Variants in C1R observed in about 807,000 individuals in gnomAD.
C1R encodes the protein complement C1r subcomponent.
C1R carries 15 observed loss-of-function variants against 27.6 expected under a neutral mutation model. That is an observed-to-expected ratio of 0.54 (90% confidence interval 0.36 to 0.84). C1R has a LOEUF of 0.84. Among genes scored for constraint, C1R ranks in the 40% least tolerant of loss-of-function variants. The pLI, the probability that C1R is intolerant of heterozygous loss-of-function variation, is 0.01. For missense variants in C1R, 544 were observed against 577.9 expected, an observed-to-expected ratio of 0.94 and a Z score of 0.60; for synonymous variants, 253 against 228.8, an observed-to-expected ratio of 1.11 and a Z score of -0.95.
chr12:7,088,760 T>C (rs1046085320), intron 6 of C1R, 29 bp from the exon 7 acceptor site: 1 of 776,694 alleles, frequency 1.3e-6, no homozygotes, highest in Non-Finnish European at 2.4e-6. Context: ...GGCATATTTA[T>C]TTCAGAGCCA....
At chr12:7,083,366 ATGG>A (rs1565629167) in intron 9 of C1R, among the ~76,000 whole-genome samples, 1 of 3,766 alleles carries the variant, frequency 2.7e-4, no homozygotes, top group Non-Finnish European at 5.5e-4. Flanking sequence ...GTTGGTAATG[ATGG>A]TGGTGACAGT....
In C1R at chr12:7,091,175, C is replaced by A; in HGVS notation, c.231+277G>T. The A allele has an allele frequency of 2.3e-6, 1 of 444,182 alleles. No individual in the cohort carries two copies. The highest frequency in any genetic ancestry group is 4.7e-5 in the East Asian group (1 of 21,236). The allele number at this position is 444,182 out of a possible 1,614,324, so 27.5% of individuals were successfully genotyped here. A position where few individuals can be genotyped will look rare whatever the true frequency, so the allele number is the denominator to read the frequency against. ...ACAGTGGTTTCCCAAAGACTCTCAG[C>A]TAGACAGCAGATGGGGAAGGTTTTC... On this transcript the variant is annotated intron_variant, in intron 2 of 10. Coordinates refer to ENST00000647956, the MANE Select transcript of C1R (RefSeq NM_001733.7). The surrounding 1 kb of genome is among the most constrained non-coding windows in gnomAD (Gnocchi z 5.1).
chr12:7,091,866 C>T lies in C1R; in HGVS notation c.3-186G>A. The T allele has an allele frequency of 1.4e-6, 1 of 696,316 alleles. No individual in the cohort carries two copies. 43.1% of individuals were successfully genotyped at this position (696,316 alleles called of 1,614,324 possible). A position where few individuals can be genotyped will look rare whatever the true frequency, so the allele number is the denominator to read the frequency against. On this transcript the variant is annotated intron_variant, in intron 1 of 10. Coordinates refer to ENST00000647956, the MANE Select transcript of C1R (RefSeq NM_001733.7). The surrounding 1 kb of genome is among the most constrained non-coding windows in gnomAD (Gnocchi z 5.1). ...GGGAGGATGGCCTGTGCAGCTGCTG[C>T]ATCGGGTCACTCTCCAGGGCAGTGT... is the stretch of plus-strand genomic sequence containing the variant.
Position 7,080,665 on chromosome 12 carries a change from T to C in C1R, c.1985A>G (p.Asp662Gly). The change falls in exon 11 of 11, where the codon GAC becomes GGC. Residue 662 changes from aspartate (D) to glycine (G), a missense_variant. By Grantham distance (94) the Asp-to-Gly change is moderately conservative. Around this residue, in one of 2 missense-constraint regions of C1R, gnomAD observed 253 missense variants for 368.9 expected, o/e 0.69. Transcript: ENST00000647956. This position sits in a 1 kb window ranked among gnomAD's most constrained non-coding sequence, Gnocchi z 4.9. ...GDSGGVFAVR[D>G]PNTDRWVATG... ...GGCCACCCAGCGATCAGTGTTCGGGTCCCTTACTGCAAAAACGCCCCCACT... is the reference window on the plus strand; with the variant it reads ...GGCCACCCAGCGATCAGTGTTCGGGCCCCTTACTGCAAAAACGCCCCCACT... The C allele has an allele frequency of 6.2e-7, 1 of 1,613,764 alleles. No individual in the cohort carries two copies.
chr12:7,081,918 T>C (rs770014677), intron 10 of C1R, 114 bp downstream of exon 10: 2 of 843,364 alleles, frequency 2.4e-6, no homozygotes, highest in Non-Finnish European at 3.7e-6. Context: ...TCTCCCTTTC[T>C]CCTGGGATGT....
rs1187297822 is a variant in C1R, at chr12:7,082,118, G to T, written c.1274-12C>A. On this transcript the variant is annotated splice_polypyrimidine_tract_variant and intron_variant, in intron 9 of 10. Transcript: ENST00000647956. ...GCAGGTGTACACCCCTGAGGGCAGA[G>T]GAGGCAAGAATCAAGTTGGGGGGTG... The T allele has an allele frequency of 1.4e-6, 2 of 1,452,300 alleles. No individual in the cohort carries two copies. The highest frequency in any genetic ancestry group is 1.4e-5 in the African/African-American group (1 of 71,558). The allele number at this position is 1,452,300 out of a possible 1,614,324, so 90.0% of individuals were successfully genotyped here.
intron 2 of C1R, 116 bp from the exon 3 acceptor site, chr12:7,090,364 T>C: frequency 3.2e-6 from 2 of 619,610 alleles, no homozygotes; most frequent in Non-Finnish European, 2.9e-6. Flanking sequence ...ACAATGGCTC[T>C]GGCTGGTCAC....
rs1360592369 is a variant in C1R, at chr12:7,091,703, C to T, written c.3-23G>A. ...CACCTGCCAAAACAAAAGAGAGTATCTGGAGCTGGAGGGGTTCAGCACTCT... is the reference window on the plus strand; with the variant it reads ...CACCTGCCAAAACAAAAGAGAGTATTTGGAGCTGGAGGGGTTCAGCACTCT... On this transcript the variant is annotated intron_variant, in intron 1 of 10. Coordinates refer to ENST00000647956, the MANE Select transcript of C1R (RefSeq NM_001733.7). The surrounding 1 kb of genome is among the most constrained non-coding windows in gnomAD (Gnocchi z 5.1). The T allele has an allele frequency of 1.4e-6, 1 of 720,858 alleles. No homozygotes were observed. The allele number at this position is 720,858 out of a possible 1,614,324, so 44.7% of individuals were successfully genotyped here.
intron 2 of C1R, 92 bp from the exon 3 acceptor site, chr12:7,090,340 G>A (rs748691835): frequency 1.1e-5 from 7 of 649,678 alleles, no homozygotes; most frequent in Admixed American, 2.3e-5. Context: ...CTCGCCCAGA[G>A]TGCATCATGC....
At chr12:7,081,927 G>A (rs1938071321) in intron 10 of C1R, 105 bp downstream of exon 10, 2 of 915,696 alleles carry the variant, frequency 2.2e-6, no homozygotes, top group African/African-American at 3.3e-5. Flanking sequence ...CTCCTGGGAT[G>A]TTCCCCTCTT....
intron 2 of C1R, 144 bp from the exon 3 acceptor site, chr12:7,090,392 T>A (rs771412877): frequency 4.8e-5 from 29 of 605,330 alleles, no homozygotes; most frequent in Non-Finnish European, 7.6e-5. Context: ...TGGGCTCAGC[T>A]GCTGCAAACT....
rs942403854 is a variant in C1R at position 7,085,163 on chromosome 12, G to C, written c.1273+698C>G. ...GATGATGGTGTTGGTGGTGATGGTG[G>C]TGTTGGTGTCAGTAATGGTGGTGGT... On this transcript the variant is annotated intron_variant, in intron 9 of 10. Transcript: ENST00000647956. Among the ~76,000 whole-genome samples the C allele has an allele frequency of 1.9e-3, 285 of 150,848 alleles. 6 individuals carry two copies. Among genetic ancestry groups the C allele is most frequent in the African/African-American group, 6.5e-3 (263 of 40,644 alleles).
Position 7,080,838 on chromosome 12 carries a change from A to G in C1R, c.1812T>C (p.Ala604=). 1 of 1,613,940 alleles carries G rather than the reference A, an allele frequency of 6.2e-7. No homozygotes were observed. Among genetic ancestry groups the G allele is most frequent in the Middle Eastern group, 1.6e-4 (1 of 6,062 alleles). The part of the protein sequence containing the change: ...SGFGVMEEKI[A]HDLRFVRLPV... ...GCAGACGGACAAACCTGAGGTCATG[A>G]GCAATCTTCTCCTCCATGACCCCGA... Residue 604 remains alanine, a synonymous_variant, in exon 11 of 11, where the codon GCT becomes GCC. Coordinates refer to ENST00000647956, the MANE Select transcript of C1R (RefSeq NM_001733.7). This position sits in a 1 kb window ranked among gnomAD's most constrained non-coding sequence, Gnocchi z 4.9.
At position 7,088,712 on chromosome 12, in the gene C1R, G is replaced by A. The variant is rs778435093; in HGVS notation, c.936C>T (p.Pro312=). 2.3e-5 allele frequency: 18 copies of A among 777,308 alleles called. No homozygotes were observed. The Admixed American group carries it at 2.7e-4, about 12-fold the overall frequency. 48.2% of individuals were successfully genotyped at this position (777,308 alleles called of 1,614,324 possible). A position where few individuals can be genotyped will look rare whatever the true frequency, so the allele number is the denominator to read the frequency against. Residue 312 remains proline (P), a synonymous_variant, in exon 7 of 11, where the codon CCC becomes CCT. Transcript: ENST00000647956. ...TGATGGTGAACTCGTCTAGGGTCTT[G>A]GGCTGGGGGCACTTGATGACTGTTG... is the stretch of plus-strand genomic sequence containing the variant. The part of the protein sequence containing the change: ...YTTEIIKCPQ[P]KTLDEFTIIQ...
At chr12:7,082,869 C>T (rs1938088945) in intron 9 of C1R, among the ~76,000 whole-genome samples, 1 of 150,024 alleles carries the variant, frequency 6.7e-6, no homozygotes, top group Non-Finnish European at 1.5e-5. Flanking sequence ...TGTTATTATC[C>T]TCATTTTGTG....
chr12:7,084,853 G>A lies in C1R; in HGVS notation c.1273+1008C>T, dbSNP rs917981083. Among the ~76,000 whole-genome samples, 1,376 of 150,190 alleles carry A rather than the reference G, an allele frequency of 9.2e-3. 121 individuals are homozygous for A. Among genetic ancestry groups the A allele is most frequent in the African/African-American group, 0.033 (1,313 of 39,674 alleles). On this transcript the variant is annotated intron_variant, in intron 9 of 10. Transcript: ENST00000647956. ...TAATGGTGTTGGTAATAGTGGTGGT[G>A]ATGGTGTTGGTAATGGTGGTAGTGA... is the stretch of plus-strand genomic sequence containing the variant.
chr12:7,081,876 A>G (rs1938070618), intron 10 of C1R, among the ~76,000 whole-genome samples, 156 bp downstream of exon 10: 1 of 152,126 alleles, frequency 6.6e-6, no homozygotes, highest in Non-Finnish European at 1.5e-5. Flanking sequence ...AAATGGCAGC[A>G]TTTCGGGACT....
rs1373519012 is a variant in C1R, at chr12:7,090,238, T to A, written c.242A>T (p.Asp81Val). The A allele has an allele frequency of 5.5e-6, 4 of 732,016 alleles. No homozygotes were observed. The highest frequency in any genetic ancestry group is 1.0e-5 in the Non-Finnish European group (4 of 391,654). The allele number at this position is 732,016 out of a possible 1,614,324, so 45.3% of individuals were successfully genotyped here. ...CFYDYVKISA[D>V]KKSLGRFCGQ... ...ACAGAACCTCCCCAGGCTTTTCTTA[T>A]CAGCAGAGATCTGGTGGAAGAAGGA... The change falls in exon 3 of 11, where the codon GAT becomes GTT. Residue 81 changes from aspartate (D) to valine (V), a missense_variant. By Grantham distance (152) the Asp-to-Val change is radical. Transcript: ENST00000647956.
chr12:7,081,894 G>T, intron 10 of C1R, 138 bp downstream of exon 10: 1 of 666,678 alleles, frequency 1.5e-6, no homozygotes, highest in Non-Finnish European at 2.5e-6. Context: ...ACTGAATTCA[G>T]CACTCTGTCC....
Sources: allele counts gnomAD v4.1 joint callset (sites outside exome capture counted in the v4.1 genomes callset), GRCh38; gene constraint gnomAD v4.1.1; regional missense constraint gnomAD v4.1.1; non-coding constraint Gnocchi (gnomAD v3.1); transcripts MANE v1.5; gene names NCBI Gene and HGNC (gene_info 2026-07-23, HGNC 2026-07-21).